Variants in CCDC141 observed in about 807,000 individuals in gnomAD.
CCDC141 encodes the protein coiled-coil domain-containing protein 141.
Under a neutral mutation model 181.0 loss-of-function variants are expected in CCDC141, and 168 were observed. That is an observed-to-expected ratio of 0.93 (90% CI 0.82 to 1.05). CCDC141 has a LOEUF of 1.05. CCDC141 is among the 50% of genes least tolerant of loss of function. The pLI is 0.00. For missense variants in CCDC141, 1,902 were observed against 1,788.5 expected, an observed-to-expected ratio of 1.06 and a Z score of -1.14; for synonymous variants, 666 against 642.3, an observed-to-expected ratio of 1.04 and a Z score of -0.56.
chr2:179,028,461 C>A (rs1389460106), intron 2 of CCDC141, among the ~76,000 whole-genome samples: 1 of 152,184 alleles, frequency 6.6e-6, no homozygotes, highest in African/African-American at 2.4e-5. Flanking sequence ...GTTCATTAAA[C>A]AATTGCAACT....
At chr2:179,000,907 TC>T (rs1302746321) in intron 2 of CCDC141, among the ~76,000 whole-genome samples, 1 of 152,190 alleles carries the variant, frequency 6.6e-6, no homozygotes, top group East Asian at 1.9e-4. Context: ...TTATCTGACT[TC>T]CCCACTAACC....
rs184244601 is a variant in CCDC141 at position 178,840,264 on chromosome 2, C to T, written c.3475-2520G>A. On this transcript the variant is annotated intron_variant, in intron 22 of 23. Coordinates refer to ENST00000443758, the MANE Select transcript of CCDC141 (RefSeq NM_173648.4). ...TTTCTGGGAGGTCCCACTCCTACTGCGCCACAAGATCCTTCATAGAAGAGC... is the reference window on the plus strand; with the variant it reads ...TTTCTGGGAGGTCCCACTCCTACTGTGCCACAAGATCCTTCATAGAAGAGC... Among the ~76,000 whole-genome samples, 99 of 152,304 alleles carry T rather than the reference C, an allele frequency of 6.5e-4. 1 individual carries two copies. The highest frequency in any genetic ancestry group is 1.8e-3 in the African/African-American group (74 of 41,554).
At chr2:178,966,958 A>C (rs527820908) in intron 4 of CCDC141, among the ~76,000 whole-genome samples, 3 of 152,088 alleles carry the variant, frequency 2.0e-5, no homozygotes, top group African/African-American at 4.8e-5. Context: ...TGAAGCATAC[A>C]CAAGTTTCAA....
chr2:179,028,566 G>T (rs551615196), intron 2 of CCDC141, among the ~76,000 whole-genome samples: 31 of 152,246 alleles, frequency 2.0e-4, no homozygotes, highest in African/African-American at 6.3e-4. Flanking sequence ...GATTCAAAAT[G>T]GTACCCTTTG....
Position 178,837,090 on chromosome 2 carries a change from C to G in CCDC141, c.4129G>C (p.Gly1377Arg). ...TGCCTCTGATAGCCCCTGCTGGTGC[C>G]TGATTGAAACCTGAGGCCCGAGAAT... ...DAFSGLRFQS[G>R]TSRGYQRQMV... Residue 1377 changes from glycine (G) to arginine (R), a missense_variant, in exon 23 of 24, where the codon GGC becomes CGC. Gly to Arg is a moderately radical substitution (Grantham distance 125). Transcript: ENST00000443758. The G allele has an allele frequency of 6.2e-7, 1 of 1,613,988 alleles. No individual in the cohort carries two copies. The highest frequency in any genetic ancestry group is 8.5e-7 in the Non-Finnish European group (1 of 1,179,984).
Position 178,837,457 on chromosome 2 carries a change from C to G in CCDC141, c.3762G>C (p.Gly1254=). 1 of 1,614,062 alleles carries G rather than the reference C, an allele frequency of 6.2e-7. No individual in the cohort carries two copies. Among genetic ancestry groups the G allele is most frequent in the East Asian group, 2.2e-5 (1 of 44,852 alleles). Reference sequence around the variant, plus strand: ...CCTGGGCATCCCCTGGGCTGCTGGTCCCAGCCTGCACCCCATAGCTGCTTA... The same window carrying G: ...CCTGGGCATCCCCTGGGCTGCTGGTGCCAGCCTGCACCCCATAGCTGCTTA... ...LHISSYGVQA[G]TSSPGDAQES... Residue 1254 remains glycine, a synonymous_variant, in exon 23 of 24, where the codon GGG becomes GGC. Transcript: ENST00000443758.
intron 2 of CCDC141, among the ~76,000 whole-genome samples, chr2:178,990,139 C>CAAAAA (rs60180781): frequency 8.4e-6 from 1 of 119,240 alleles, no homozygotes; most frequent in Admixed American, 8.4e-5. Context: ...AATTCCATCT[C>CAAAAA]AAAAAAAAAA....
chr2:178,871,627 C>T, intron 13 of CCDC141, 75 bp from the exon 14 acceptor site: 6 of 1,507,804 alleles, frequency 4.0e-6, no homozygotes, highest in South Asian at 2.6e-5. Flanking sequence ...CTAGGTATGA[C>T]GCAGAGTGTG....
At chr2:179,040,669 A>G (rs2043272498) in intron 2 of CCDC141, among the ~76,000 whole-genome samples, 1 of 152,176 alleles carries the variant, frequency 6.6e-6, no homozygotes, top group Non-Finnish European at 1.5e-5. Context: ...TTTGCTAAGG[A>G]CAATGGACTC....
At chr2:178,902,512 T>C (rs1310607642) in intron 8 of CCDC141, among the ~76,000 whole-genome samples, 1 of 152,178 alleles carries the variant, frequency 6.6e-6, no homozygotes, top group Non-Finnish European at 1.5e-5. Context: ...GGGAAAGGAT[T>C]CCCTATTTAA....
At chr2:178,958,330 C>G (rs1483899726) in intron 5 of CCDC141, among the ~76,000 whole-genome samples, 1 of 152,008 alleles carries the variant, frequency 6.6e-6, no homozygotes, top group Non-Finnish European at 1.5e-5. Flanking sequence ...TGATGTGTCA[C>G]TGTAGGTCCA....
chr2:179,008,606 T>C (rs6740330), intron 2 of CCDC141, among the ~76,000 whole-genome samples: 150,738 of 152,270 alleles, frequency 0.99, 74,633 homozygotes, highest in Middle Eastern at 1. Flanking sequence ...GAGTAAAAGC[T>C]GCGAATCTCT....
Position 178,855,346 on chromosome 2 carries a change from C to A in CCDC141, c.3060+1G>T. 7 of 1,603,302 alleles carry A rather than the reference C, an allele frequency of 4.4e-6. No individual in the cohort carries two copies. Among genetic ancestry groups the A allele is most frequent in the Non-Finnish European group, 5.9e-6 (7 of 1,176,580 alleles). ...TGGATACCACTGCAAAAAGAGAATACCTCTTCTATCACCTCCTGGAAATGC... is the reference window on the plus strand; with the variant it reads ...TGGATACCACTGCAAAAAGAGAATAACTCTTCTATCACCTCCTGGAAATGC... On this transcript the variant is annotated splice_donor_variant, in intron 19 of 23. Coordinates refer to ENST00000443758, the MANE Select transcript of CCDC141 (RefSeq NM_173648.4). LOFTEE classifies it high-confidence loss of function.
intron 5 of CCDC141, among the ~76,000 whole-genome samples, chr2:178,956,822 T>A (rs1243869299): frequency 1.3e-5 from 2 of 152,118 alleles, no homozygotes; most frequent in Non-Finnish European, 2.9e-5. Context: ...TAAGAGACCT[T>A]GACATGTATA....
intron 17 of CCDC141, among the ~76,000 whole-genome samples, chr2:178,862,898 A>C (rs1042248334): frequency 1.2e-4 from 19 of 152,278 alleles, no homozygotes; most frequent in Non-Finnish European, 2.5e-4. Context: ...AGACCATGTA[A>C]GTTAGCTACA....
At chr2:178,988,576 C>T (rs1319104121) in intron 2 of CCDC141, among the ~76,000 whole-genome samples, 1 of 152,106 alleles carries the variant, frequency 6.6e-6, no homozygotes. Flanking sequence ...AAAAGCAATA[C>T]TGTCTAAAGT....
At chr2:179,016,426 A>C (rs2042543450) in intron 2 of CCDC141, among the ~76,000 whole-genome samples, 1 of 152,168 alleles carries the variant, frequency 6.6e-6, no homozygotes. Context: ...GATGAGAAAG[A>C]GAAAGAAAAT....
chr2:178,932,291 C>T (rs1558989625), intron 6 of CCDC141, among the ~76,000 whole-genome samples: 1 of 152,168 alleles, frequency 6.6e-6, no homozygotes, highest in Non-Finnish European at 1.5e-5. Flanking sequence ...GGGACTGGAA[C>T]CTAGGCCCAA....
At position 179,015,551 on chromosome 2, in the gene CCDC141, C is replaced by CATATATATGATATATATATCTCAT. The variant is rs151332465; in HGVS notation, c.225+31732_225+31733insATGAGATATATATATCATATATAT. Among the ~76,000 whole-genome samples the CATATATATGATATATATATCTCAT allele has an allele frequency of 3.1e-4, 10 of 32,392 alleles. 2 individuals carry two copies. The South Asian group carries it at 5.7e-3, about 18-fold the overall frequency. The allele number at this position is 32,392 out of a possible 152,430, so 21.3% of individuals were successfully genotyped here. A position where few individuals can be genotyped will look rare whatever the true frequency, so the allele number is the denominator to read the frequency against. ...TCTCATATATATGATATATATATCT[C>CATATATATGATATATATATCTCAT]ATATCTCATATATATCTCATATATC... is the stretch of plus-strand genomic sequence containing the variant. On this transcript the variant is annotated intron_variant, in intron 2 of 23. Coordinates refer to ENST00000443758, the MANE Select transcript of CCDC141 (RefSeq NM_173648.4).
Sources: allele counts gnomAD v4.1 joint callset (sites outside exome capture counted in the v4.1 genomes callset), GRCh38; gene constraint gnomAD v4.1.1; transcripts MANE v1.5; gene names NCBI Gene and HGNC (gene_info 2026-07-23, HGNC 2026-07-21).